The following PNPLA6 variants were observed in gnomAD, a reference collection of about 807,000 sequenced individuals.
PNPLA6 encodes the protein patatin like domain 6, lysophospholipase, also known as patatin-like phospholipase domain-containing protein 6.
A neutral mutation model predicts 153.7 loss-of-function variants in PNPLA6; 105 were observed. The ratio of observed to expected loss-of-function variants is 0.68; its 90% CI spans 0.58 to 0.80. PNPLA6 has a LOEUF of 0.80. Ranked by LOEUF, PNPLA6 falls within the 30% of genes least tolerant of loss-of-function variation. The pLI, the probability that PNPLA6 is intolerant of heterozygous loss-of-function variation, is 0.00. For synonymous variants in PNPLA6, 825 were observed against 822.2 expected, an observed-to-expected ratio of 1.00 and a Z score of -0.06; for missense variants, 1,423 against 1,919.3, an observed-to-expected ratio of 0.74 and a Z score of 4.83.
Position 7,555,623 on chromosome 19 carries a change from G to C in PNPLA6, c.2953G>C (p.Gly985Arg). ...GGGARGCSHIGVLKALEEAGV... is the reference protein window; with the variant it reads ...GGGARGCSHIRVLKALEEAGV... ...TCCCGGCAGGGGCTGCTCGCACATC[G>C]GAGTACTAAAGGCATTAGAGGAGGC... The change falls in exon 24 of 32, where the codon GGA (glycine) becomes CGA (arginine). Residue 985 changes from glycine (G) to arginine (R), a missense_variant. Around this residue, in one of 10 missense-constraint regions of PNPLA6, gnomAD observed 643 missense variants for 835.2 expected, o/e 0.77. Transcript: ENST00000600737. The surrounding 1 kb of genome is among the most constrained non-coding windows in gnomAD (Gnocchi z 6.3). The C allele has an allele frequency of 1.2e-6, 2 of 1,612,280 alleles. No homozygotes were observed. The highest frequency in any genetic ancestry group is 1.7e-6 in the Non-Finnish European group (2 of 1,179,752).
chr19:7,542,602 G>A lies in PNPLA6; in HGVS notation c.1294G>A (p.Glu432Lys). The A allele has an allele frequency of 6.2e-7, 1 of 1,613,740 alleles. No homozygotes were observed. The highest frequency in any genetic ancestry group is 2.2e-5 in the East Asian group (1 of 44,876). ...GPRSDFDMAY[E>K]RGRISVSLQE... Reference sequence around the variant, plus strand: ...CCGCTCCGACTTCGACATGGCCTATGAGCGTGGCCGGATCTCCGTGTCCCT... The same window carrying A: ...CCGCTCCGACTTCGACATGGCCTATAAGCGTGGCCGGATCTCCGTGTCCCT... The change falls in exon 11 of 32, where the codon GAG (glutamate) becomes AAG (lysine). Residue 432 changes from glutamate to lysine, a missense_variant. By Grantham distance (56) the Glu-to-Lys change is moderately conservative. Coordinates refer to ENST00000600737, the MANE Select transcript of PNPLA6 (RefSeq NM_001166114.2).
Position 7,560,673 on chromosome 19 carries a change from C to T in PNPLA6, c.3725C>T (p.Ala1242Val), listed in dbSNP as rs763266245. The T allele has an allele frequency of 1.8e-5, 29 of 1,613,150 alleles. No individual in the cohort carries two copies. The highest frequency in any genetic ancestry group is 1.6e-4 in the Middle Eastern group (1 of 6,084). ...GATGTGGGCTACCAGTACGGGAAGG[C>T]GGTGTTTGGAGGCTGGAGCCGTGGC... ...IYDVGYQYGKAVFGGWSRGNV... is the reference protein window; with the variant it reads ...IYDVGYQYGKVVFGGWSRGNV... Residue 1242 changes from alanine to valine, a missense_variant, in exon 29 of 32, where the codon GCG becomes GTG. Ala to Val is a moderately conservative substitution (Grantham distance 64). Coordinates refer to ENST00000600737, the MANE Select transcript of PNPLA6 (RefSeq NM_001166114.2).
chr19:7,555,852 G>C lies in PNPLA6; in HGVS notation c.3093+89G>C. ...AACCTGATCCCATGGGGGAGCCTCC[G>C]GGGTCAGGGTGACCCTTCCTGATTA... On this transcript the variant is annotated intron_variant, in intron 24 of 31. Coordinates refer to ENST00000600737, the MANE Select transcript of PNPLA6 (RefSeq NM_001166114.2). The surrounding 1 kb of genome is among the most constrained non-coding windows in gnomAD (Gnocchi z 6.3). 7.2e-7 allele frequency: 1 copy of C among 1,395,320 alleles called. No homozygotes were observed. The highest frequency in any genetic ancestry group is 1.0e-6 in the Non-Finnish European group (1 of 996,008). The allele number at this position is 1,395,320 out of a possible 1,614,324, so 86.4% of individuals were successfully genotyped here. A position where few individuals can be genotyped will look rare whatever the true frequency, so the allele number is the denominator to read the frequency against.
rs1268594058 is a variant in PNPLA6, at chr19:7,555,483, A to G, written c.2936+116A>G. 2.2e-6 allele frequency: 3 copies of G among 1,366,272 alleles called. No individual in the cohort carries two copies. Among genetic ancestry groups the G allele is most frequent in the Non-Finnish European group, 3.0e-6 (3 of 989,388 alleles). 84.6% of individuals were successfully genotyped at this position (1,366,272 alleles called of 1,614,324 possible). ...TCGAGGGTGGAGCTTCCCCTCCGGG[A>G]GAGACCCCGTGGGTAGGGGCGGGTC... On this transcript the variant is annotated intron_variant, in intron 23 of 31. Transcript: ENST00000600737. This position sits in a 1 kb window ranked among gnomAD's most constrained non-coding sequence, Gnocchi z 6.3.
chr19:7,538,275 G>A (rs182071260), intron 3 of PNPLA6, among the ~76,000 whole-genome samples: 275 of 152,166 alleles, frequency 1.8e-3, no homozygotes, highest in African/African-American at 6.2e-3. Flanking sequence ...TACCTCCTGG[G>A]CTCAAGAGAT....
chr19:7,556,474 C>A lies in PNPLA6; in HGVS notation c.3115C>A (p.Pro1039Thr). The change falls in exon 25 of 32, where the codon CCT (proline) becomes ACT (threonine). Residue 1039 changes from proline (P) to threonine (T), a missense_variant. Transcript: ENST00000600737. ...CTAGAGCATGACTTCGGTGCTGGAA[C>A]CTGTGTTGGACCTCACGTACCCAGT... ...WAKSMTSVLE[P>T]VLDLTYPVTS... is the part of the protein sequence containing the mutation. The A allele has an allele frequency of 6.2e-7, 1 of 1,612,950 alleles. No homozygotes were observed. Among genetic ancestry groups the A allele is most frequent in the Non-Finnish European group, 8.5e-7 (1 of 1,178,992 alleles).
chr19:7,556,380 AC>A, intron 24 of PNPLA6, 72 bp from the exon 25 acceptor site: 1 of 921,106 alleles, frequency 1.1e-6, no homozygotes. Flanking sequence ...CTGCTTGCTC[AC>A]CCCCTATTGA....
rs866450266 is a variant in PNPLA6, at chr19:7,550,163, C to T, written c.1814+51C>T. The stretch of plus-strand genomic sequence containing the variant: ...GGGTGGCACTCGGAGGACCCCAACC[C>T]GTGGGAGTGGCCAGAACCCCATCCC... On this transcript the variant is annotated intron_variant, in intron 14 of 31. Transcript: ENST00000600737. 5.0e-5 allele frequency: 80 copies of T among 1,608,620 alleles called. No homozygotes were observed. The East Asian group carries it at 1.0e-3, about 21-fold the overall frequency.
At chr19:7,556,981 A>G (rs2023907231) in intron 26 of PNPLA6, 187 bp from the exon 27 acceptor site, 1 of 720,564 alleles carries the variant, frequency 1.4e-6, no homozygotes, top group East Asian at 2.6e-5. Context: ...GTGTGGCGTT[A>G]CGTCCGGGCC....
Position 7,556,635 on chromosome 19 carries a change from C to G in PNPLA6, c.3211-20C>G, listed in dbSNP as rs764750911. Reference sequence around the variant, plus strand: ...GAGGAGCCCCCTGCTCCTCCCCCACCTCGATCCCTGTCCCCGCAGGACCTG... The same window carrying G: ...GAGGAGCCCCCTGCTCCTCCCCCACGTCGATCCCTGTCCCCGCAGGACCTG... On this transcript the variant is annotated intron_variant, in intron 25 of 31. Transcript: ENST00000600737. 1 of 1,609,652 alleles carries G rather than the reference C, an allele frequency of 6.2e-7. No individual in the cohort carries two copies. The highest frequency in any genetic ancestry group is 8.5e-7 in the Non-Finnish European group (1 of 1,175,926).
chr19:7,541,157 C>G lies in PNPLA6; in HGVS notation c.924+106C>G. On this transcript the variant is annotated intron_variant, in intron 7 of 31. Coordinates refer to ENST00000600737, the MANE Select transcript of PNPLA6 (RefSeq NM_001166114.2). This position sits in a 1 kb window ranked among gnomAD's most constrained non-coding sequence, Gnocchi z 5.2. ...GCCCAGCAGCCAGCAGGCGCTGGAG[C>G]TGTGGTTATCGGCCTGGAGCAGCCA... is the stretch of plus-strand genomic sequence containing the variant. The G allele has an allele frequency of 1.5e-6, 2 of 1,370,544 alleles. No individual in the cohort carries two copies. Among genetic ancestry groups the G allele is most frequent in the South Asian group, 2.5e-5 (2 of 81,168 alleles). 84.9% of individuals were successfully genotyped at this position (1,370,544 alleles called of 1,614,324 possible).
rs373868558 is a variant in PNPLA6, at chr19:7,536,472, C to G, written c.339C>G (p.Leu113=). ...MRKVSQSTSS[L]VDTSVSATSR... Reference sequence around the variant, plus strand: ...AGGTGTCACAATCCACCTCCTCCCTCGTGGATACCTCTGTCTCCGCCACCT... The same window carrying G: ...AGGTGTCACAATCCACCTCCTCCCTGGTGGATACCTCTGTCTCCGCCACCT... Residue 113 remains leucine (L), a synonymous_variant, in exon 3 of 32, where the codon CTC becomes CTG. Transcript: ENST00000600737. The G allele has an allele frequency of 6.2e-7, 1 of 1,613,068 alleles. No individual in the cohort carries two copies.
intron 13 of PNPLA6, among the ~76,000 whole-genome samples, chr19:7,548,720 C>T (rs201938041): frequency 1.8e-4 from 4 of 21,884 alleles, no homozygotes; most frequent in Non-Finnish European, 3.5e-4. Context: ...TATATATATA[C>T]ACACACATAT....
In PNPLA6 at chr19:7,561,608, C is replaced by G; in HGVS notation, c.*46C>G. The G allele has an allele frequency of 1.5e-6, 2 of 1,376,582 alleles. No homozygotes were observed. The highest frequency in any genetic ancestry group is 1.4e-5 in the African/African-American group (1 of 70,134). The allele number at this position is 1,376,582 out of a possible 1,614,324, so 85.3% of individuals were successfully genotyped here. ...CCCTCCCTCCCACCCCTGGACTGGG[C>G]TGGGGGTGGCCCCGTGGGGGTAGCT... On this transcript the variant is annotated 3_prime_UTR_variant, in exon 32 of 32. Coordinates refer to ENST00000600737, the MANE Select transcript of PNPLA6 (RefSeq NM_001166114.2).
In PNPLA6 at chr19:7,551,431, T is replaced by G; in HGVS notation, c.2254T>G (p.Phe752Val). 6.2e-7 allele frequency: 1 copy of G among 1,613,732 alleles called. No individual in the cohort carries two copies. The highest frequency in any genetic ancestry group is 8.5e-7 in the Non-Finnish European group (1 of 1,179,764). The change falls in exon 18 of 32, where the codon TTC becomes GTC. Residue 752 changes from phenylalanine (F) to valine (V), a missense_variant. Physicochemically the swap from Phe to Val is conservative, Grantham distance 50 (BLOSUM62 -1). Around this residue, in one of 10 missense-constraint regions of PNPLA6, gnomAD observed 23 missense variants for 21.2 expected, o/e 1.08. Coordinates refer to ENST00000600737, the MANE Select transcript of PNPLA6 (RefSeq NM_001166114.2). ...GAATTTGCAGCAGCTGCAAGGACCCTTCCCAGGTGAGAGCCGGCCGGCCCA... is the reference window on the plus strand; with the variant it reads ...GAATTTGCAGCAGCTGCAAGGACCCGTCCCAGGTGAGAGCCGGCCGGCCCA... ...LGNLQQLQGP[F>V]PGSGLGVPPH... is the part of the protein sequence containing the mutation.
rs781368732 is a variant in PNPLA6, at chr19:7,554,013, T to A, written c.2399T>A (p.Ile800Asn). ...GAGCTGCAGCACGCCCTGCAGGCCATCGGTCAGTGGGGTGAGGGTCATGGG... is the reference window on the plus strand; with the variant it reads ...GAGCTGCAGCACGCCCTGCAGGCCAACGGTCAGTGGGGTGAGGGTCATGGG... ...TLELQHALQA[I>N]GPTLLLNSDI... Residue 800 changes from isoleucine to asparagine, a missense_variant and splice_region_variant, in exon 19 of 32, where the codon ATC becomes AAC. Around this residue, in one of 10 missense-constraint regions of PNPLA6, gnomAD observed 643 missense variants for 835.2 expected, o/e 0.77. Coordinates refer to ENST00000600737, the MANE Select transcript of PNPLA6 (RefSeq NM_001166114.2). The A allele has an allele frequency of 6.4e-7, 1 of 1,570,850 alleles. No individual in the cohort carries two copies. The highest frequency in any genetic ancestry group is 8.6e-7 in the Non-Finnish European group (1 of 1,156,714).
chr19:7,541,975 C>T lies in PNPLA6; in HGVS notation c.1169-9C>T. 3 of 1,606,454 alleles carry T rather than the reference C, an allele frequency of 1.9e-6. No homozygotes were observed. The highest frequency in any genetic ancestry group is 2.2e-5 in the East Asian group (1 of 44,870). On this transcript the variant is annotated splice_polypyrimidine_tract_variant and intron_variant, in intron 9 of 31. Transcript: ENST00000600737. This position sits in a 1 kb window ranked among gnomAD's most constrained non-coding sequence, Gnocchi z 5.2. ...GAGGGGCAGGAGCCTGAACATGTGT[C>T]TCCCCCAGGGGACCCTGTGAAGCCC... is the stretch of plus-strand genomic sequence containing the variant.
In PNPLA6 at chr19:7,550,290, T is replaced by C. The variant is rs770344068; in HGVS notation, c.1815-8T>C. 1 of 1,612,824 alleles carries C rather than the reference T, an allele frequency of 6.2e-7. No individual in the cohort carries two copies. The highest frequency in any genetic ancestry group is 1.3e-5 in the African/African-American group (1 of 74,950). ...CCTTCCTCTTTCATCCCAAGTCTGT[T>C]CCTGCAGGATCATGCGCGCACAGCC... On this transcript the variant is annotated splice_region_variant and splice_polypyrimidine_tract_variant and intron_variant, in intron 14 of 31. Coordinates refer to ENST00000600737, the MANE Select transcript of PNPLA6 (RefSeq NM_001166114.2).
chr19:7,554,806 C>T, intron 21 of PNPLA6, 83 bp downstream of exon 21: 1 of 1,586,064 alleles, frequency 6.3e-7, no homozygotes, highest in South Asian at 1.1e-5. Flanking sequence ...CACGTGCACC[C>T]TCGCCATGGG....
Sources: gnomAD v4.1 joint callset for allele counts (sites outside exome capture counted in the v4.1 genomes callset) on GRCh38, gnomAD v4.1.1 for gene constraint, gnomAD v4.1.1 regional missense constraint, Gnocchi (gnomAD v3.1) non-coding constraint, MANE v1.5 for transcripts, NCBI Gene and HGNC (gene_info 2026-07-23, HGNC 2026-07-21) for gene names.